The following RFT1 variants were observed in gnomAD, a reference collection of about 807,000 sequenced individuals.
The protein encoded by RFT1 is RFT1 glycolipid translocator homolog.
Under a neutral mutation model 62.2 loss-of-function variants are expected in RFT1, and 43 were observed. The ratio of observed to expected loss-of-function variants is 0.69; its 90% CI spans 0.54 to 0.89. RFT1 has a LOEUF of 0.89. RFT1 is among the 40% of genes least tolerant of loss of function. The pLI, the probability that RFT1 is intolerant of heterozygous loss-of-function variation, is 0.00. For synonymous variants in RFT1, 262 were observed against 264.6 expected (o/e 0.99, Z 0.10); for missense variants, 605 against 649.9 (o/e 0.93, Z 0.75).
chr3:53,095,452 C>A (rs561865669), intron 11 of RFT1, among the ~76,000 whole-genome samples: 21 of 152,280 alleles, frequency 1.4e-4, no homozygotes, highest in African/African-American at 5.1e-4. Flanking sequence ...GTGGCTCATG[C>A]CTGTAATCCC....
the RFT1 span, among the ~76,000 whole-genome samples, chr3:53,075,349 C>T: frequency 1.3e-5 from 2 of 152,198 alleles, no homozygotes; most frequent in African/African-American, 4.8e-5. Flanking sequence ...CCTCTGACAC[C>T]CATCCCTTGT....
At chr3:53,101,812 C>T (rs979518385) in intron 10 of RFT1, among the ~76,000 whole-genome samples, 2 of 152,058 alleles carry the variant, frequency 1.3e-5, no homozygotes, top group African/African-American at 4.8e-5. Flanking sequence ...TGAAGGGGGG[C>T]AGATCATCTG....
In RFT1 at chr3:53,091,731, A is replaced by G; in HGVS notation, c.*172T>C. 2.9e-6 allele frequency: 2 copies of G among 694,766 alleles called. No homozygotes were observed. Among genetic ancestry groups the G allele is most frequent in the Non-Finnish European group, 5.2e-6 (2 of 386,568 alleles). The allele number at this position is 694,766 out of a possible 1,614,324, so 43.0% of individuals were successfully genotyped here. On this transcript the variant is annotated 3_prime_UTR_variant, in exon 13 of 13. Transcript: ENST00000296292. ...ATGAAACTCCCCCCCCGCATTTCAG[A>G]CTTCGAATGGTCACAGGTGTCTCAT...
downstream of RFT1, among the ~76,000 whole-genome samples, chr3:53,087,002 C>T (rs1700868615): frequency 6.6e-6 from 1 of 152,162 alleles, no homozygotes; most frequent in Non-Finnish European, 1.5e-5. Flanking sequence ...CTTTGGGAGG[C>T]GGAGGCAGGC....
At chr3:53,070,994 G>A in the RFT1 span, among the ~76,000 whole-genome samples, 1 of 151,948 alleles carries the variant, frequency 6.6e-6, no homozygotes, top group Admixed American at 6.5e-5. Context: ...GCCTCCCAAA[G>A]TGCTGGGATT....
downstream of RFT1, among the ~76,000 whole-genome samples, chr3:53,087,252 T>C (rs1700874009): frequency 6.6e-6 from 1 of 152,092 alleles, no homozygotes; most frequent in Non-Finnish European, 1.5e-5. Flanking sequence ...AAATAAAATA[T>C]GTGAAGGATA....
chr3:53,105,698 C>T lies in RFT1; in HGVS notation c.932G>A (p.Gly311Glu), dbSNP rs1701450207. 6.2e-7 allele frequency: 1 copy of T among 1,613,866 alleles called. No individual in the cohort carries two copies. Among genetic ancestry groups the T allele is most frequent in the Non-Finnish European group, 8.5e-7 (1 of 1,179,874 alleles). Residue 311 changes from glycine (G) to glutamate (E), a missense_variant, in exon 9 of 13, where the codon GGA (glycine) becomes GAA (glutamate). Physicochemically the swap from Gly to Glu is moderately conservative, Grantham distance 98 (BLOSUM62 -2). Coordinates refer to ENST00000296292, the MANE Select transcript of RFT1 (RefSeq NM_052859.4). ...CTGCTTCTGAAGTGTGGCATCCTTT[C>T]CCCTCTCCAGCACCTTAGCAAAAAA... ...YIFFAKVLER[G>E]KDATLQKQED...
At chr3:53,076,622 C>T in the RFT1 span, among the ~76,000 whole-genome samples, 6 of 152,096 alleles carry the variant, frequency 3.9e-5, no homozygotes, top group African/African-American at 1.4e-4. Flanking sequence ...GGAGAGGTGG[C>T]TATCAGCTCA....
At chr3:53,098,136 T>C (rs1290537319) in intron 11 of RFT1, among the ~76,000 whole-genome samples, 1 of 152,224 alleles carries the variant, frequency 6.6e-6, no homozygotes, top group Non-Finnish European at 1.5e-5. Flanking sequence ...CAGTGCTCCG[T>C]GTCGTTTTTA....
chr3:53,087,360 C>T (rs1700877007), downstream of RFT1, among the ~76,000 whole-genome samples: 1 of 152,174 alleles, frequency 6.6e-6, no homozygotes, highest in South Asian at 2.1e-4. Flanking sequence ...CCTGATTTCC[C>T]ACTGTGAACT....
chr3:53,130,397 C>G lies in RFT1; in HGVS notation c.4G>C (p.Gly2Arg). 6.4e-7 allele frequency: 1 copy of G among 1,553,696 alleles called. No homozygotes were observed. Among genetic ancestry groups the G allele is most frequent in the Non-Finnish European group, 8.7e-7 (1 of 1,148,724 alleles). Residue 2 changes from glycine to arginine, a missense_variant, in exon 1 of 13, where the codon GGC (glycine) becomes CGC (arginine). Physicochemically the swap from Gly to Arg is moderately radical, Grantham distance 125 (BLOSUM62 -2). Coordinates refer to ENST00000296292, the MANE Select transcript of RFT1 (RefSeq NM_052859.4). ...GCGTGGCCCAGCACCTCCTGGCTGC[C>G]CATAGCCTCCGCGCCAGGCTCAGAC... is the stretch of plus-strand genomic sequence containing the variant. MGSQEVLGHAAR... is the reference protein window; with the variant it reads MRSQEVLGHAAR...
the RFT1 span, among the ~76,000 whole-genome samples, chr3:53,076,562 T>A: frequency 2.5e-3 from 377 of 152,292 alleles, 2 homozygotes; most frequent in Non-Finnish European, 3.5e-3. Flanking sequence ...AAACACTGAA[T>A]ATCAACTTAC....
rs771417556 is a variant in RFT1 at position 53,119,989 on chromosome 3, A to G, written c.591T>C (p.Tyr197=). ...CCAGTAACTTTGTGAAATAAATAAC[A>G]TAGCAGAGCACCAGAACTGTGGTAT... is the stretch of plus-strand genomic sequence containing the variant. ...LFYTTVLVLC[Y]VIYFTKLLGS... Residue 197 remains tyrosine (Y), a synonymous_variant, in exon 6 of 13, where the codon TAT becomes TAC. Transcript: ENST00000296292. 3 of 1,608,880 alleles carry G rather than the reference A, an allele frequency of 1.9e-6. No homozygotes were observed. Among genetic ancestry groups the G allele is most frequent in the Non-Finnish European group, 1.7e-6 (2 of 1,178,460 alleles).
At chr3:53,130,051 G>A (rs916564888) in intron 1 of RFT1, among the ~76,000 whole-genome samples, 2 of 152,122 alleles carry the variant, frequency 1.3e-5, no homozygotes, top group Admixed American at 6.5e-5. Flanking sequence ...CCTCACCCCC[G>A]CCACCTGATC....
intron 6 of RFT1, among the ~76,000 whole-genome samples, chr3:53,116,609 CT>C (rs201773042): frequency 0.016 from 2,286 of 146,644 alleles, 53 homozygotes; most frequent in African/African-American, 0.052. Context: ...TTTTCTTTCT[CT>C]TTTTTTTTTG....
At chr3:53,092,227 C>A in intron 12 of RFT1, 142 bp downstream of exon 12, 1 of 1,421,210 alleles carries the variant, frequency 7.0e-7, no homozygotes, top group Non-Finnish European at 9.7e-7. Context: ...GCAACATTCT[C>A]TTGTCACATT....
intron 10 of RFT1, chr3:53,103,040 G>C (rs1701362381): frequency 1.1e-6 from 1 of 909,804 alleles, no homozygotes; most frequent in Non-Finnish European, 1.3e-6. Context: ...ACAAGCCCCA[G>C]GGAGCTGCAA....
chr3:53,071,007 A>C, the RFT1 span, among the ~76,000 whole-genome samples: 26 of 152,082 alleles, frequency 1.7e-4, no homozygotes, highest in African/African-American at 6.0e-4. Context: ...CTGGGATTAC[A>C]GGCATGAGCC....
chr3:53,072,593 A>C, the RFT1 span, among the ~76,000 whole-genome samples: 1 of 152,190 alleles, frequency 6.6e-6, no homozygotes, highest in African/African-American at 2.4e-5. Context: ...ACTCTCTGCC[A>C]ATGTAGGAGC....
Sources: allele counts gnomAD v4.1 joint callset (sites outside exome capture counted in the v4.1 genomes callset), GRCh38; gene constraint gnomAD v4.1.1; transcripts MANE v1.5; gene names NCBI Gene and HGNC (gene_info 2026-07-23, HGNC 2026-07-21).